CKS1B: variants seen among roughly 807,000 people sequenced by gnomAD.
CKS1B encodes the protein CDC28 protein kinase regulatory subunit 1B.
A neutral mutation model predicts 12.2 loss-of-function variants in CKS1B; 5 were observed. That is an observed-to-expected ratio of 0.41 (90% confidence interval 0.21 to 0.86). The LOEUF (loss-of-function observed/expected upper bound fraction) is 0.86, where lower values mean the gene tolerates loss of function less well. Ranked by LOEUF, CKS1B falls within the 40% of genes least tolerant of loss-of-function variation. CKS1B has a pLI of 0.32. For missense variants in CKS1B, 53 were observed against 99.9 expected (o/e 0.53, Z 2.00); for synonymous variants, 24 against 34.4 (o/e 0.70, Z 1.06).
chr1:154,975,066 C>G (rs1318718025), intron 1 of CKS1B: 19 of 798,310 alleles, frequency 2.4e-5, no homozygotes, highest in Non-Finnish European at 3.9e-5. Flanking sequence ...ACCACCCTCA[C>G]CCATGAGGCT....
chr1:154,977,944 C>A, intron 1 of CKS1B, 43 bp from the exon 2 acceptor site: 1 of 1,596,134 alleles, frequency 6.3e-7, no homozygotes. Context: ...GAGACTGTAT[C>A]TGGTACTAAC....
Position 154,975,557 on chromosome 1 carries a change from A to G in CKS1B, c.59+753A>G, listed in dbSNP as rs887449175. 4 of 155,600 alleles carry G rather than the reference A, an allele frequency of 2.6e-5. No homozygotes were observed. The Middle Eastern group carries it at 1.5e-3, about 60-fold the overall frequency. 9.6% of individuals were successfully genotyped at this position (155,600 alleles called of 1,614,324 possible). On this transcript the variant is annotated intron_variant, in intron 1 of 2. Coordinates refer to ENST00000308987, the MANE Select transcript of CKS1B (RefSeq NM_001826.3). Reference sequence around the variant, plus strand: ...TTACAGGGTGTGATGGGAGCACACAAGACTTGCTAAGGAGAGGGAACTGGC... The same window carrying G: ...TTACAGGGTGTGATGGGAGCACACAGGACTTGCTAAGGAGAGGGAACTGGC...
At chr1:154,977,774 G>A in intron 1 of CKS1B, 1 of 521,790 alleles carries the variant, frequency 1.9e-6, no homozygotes, top group Non-Finnish European at 3.3e-6. Flanking sequence ...TCATTCACTG[G>A]AATTATTCAC....
chr1:154,978,343 A>G (rs1657241309), intron 2 of CKS1B: 2 of 552,596 alleles, frequency 3.6e-6, no homozygotes, highest in Admixed American at 3.5e-5. Flanking sequence ...CTTTCATTCA[A>G]TCAGAGGGTA....
intron 1 of CKS1B, chr1:154,975,254 A>G (rs867709298): frequency 2.0e-6 from 1 of 506,906 alleles, no homozygotes; most frequent in Middle Eastern, 5.3e-4. Context: ...TAACTCGTGA[A>G]AAAGACAAGG....
chr1:154,974,712 G>A lies in CKS1B; in HGVS notation c.-34G>A, dbSNP rs747841465. Reference sequence around the variant, plus strand: ...TGTTGGGAGTTGCTTGGAGGTTGGCGGCGCGGGGCTGAAGGCTAGCAAACC... The same window carrying A: ...TGTTGGGAGTTGCTTGGAGGTTGGCAGCGCGGGGCTGAAGGCTAGCAAACC... On this transcript the variant is annotated 5_prime_UTR_variant, in exon 1 of 3. Transcript: ENST00000308987. The A allele has an allele frequency of 1.3e-6, 2 of 1,563,966 alleles. No individual in the cohort carries two copies. The highest frequency in any genetic ancestry group is 1.4e-5 in the African/African-American group (1 of 73,644).
At chr1:154,975,800 C>CGT (rs1376788614) in intron 1 of CKS1B, 2 of 154,720 alleles carry the variant, frequency 1.3e-5, no homozygotes, top group Non-Finnish European at 2.9e-5. Context: ...GCCAATTCAG[C>CGT]GTGATGTCTC....
chr1:154,975,507 G>C (rs931880202), intron 1 of CKS1B: 1 of 158,860 alleles, frequency 6.3e-6, no homozygotes, highest in African/African-American at 2.4e-5. Context: ...CACCAGAAAG[G>C]TGACACACGC....
chr1:154,975,618 G>A (rs1657150120), intron 1 of CKS1B: 1 of 154,968 alleles, frequency 6.5e-6, no homozygotes, highest in Non-Finnish European at 1.5e-5. Context: ...TGTGAGCGGG[G>A]GTTGAGGTGG....
intron 1 of CKS1B, chr1:154,977,198 C>G (rs184347396): frequency 6.6e-6 from 1 of 152,096 alleles, no homozygotes; most frequent in Non-Finnish European, 1.5e-5. Context: ...CTGCAACCTC[C>G]GCCTCCTGGA....
At chr1:154,977,416 A>G (rs1657218409) in intron 1 of CKS1B, 1 of 152,030 alleles carries the variant, frequency 6.6e-6, no homozygotes, top group Non-Finnish European at 1.5e-5. Flanking sequence ...CCCCTGGCCT[A>G]TTTCTTCTGT....
At chr1:154,974,907 T>C in intron 1 of CKS1B, 103 bp downstream of exon 1, 1 of 1,613,968 alleles carries the variant, frequency 6.2e-7, no homozygotes, top group Non-Finnish European at 8.5e-7. Context: ...GGCGCATGCG[T>C]ACGAGGTGCG....
At position 154,974,934 on chromosome 1, in the gene CKS1B, A is replaced by G. The variant is rs776994681; in HGVS notation, c.59+130A>G. ...CGAGGTGCGAACGGGCAATGGTGTG[A>G]TATTGTGGAAGGCGTAAGGCGCATG... On this transcript the variant is annotated intron_variant, in intron 1 of 2. Transcript: ENST00000308987. 6.2e-6 allele frequency: 10 copies of G among 1,613,472 alleles called. No individual in the cohort carries two copies. In the African/African-American group the frequency reaches 8.0e-5, roughly 13 times the overall value.
At chr1:154,978,334 T>A (rs1657241068) in intron 2 of CKS1B, 1 of 557,244 alleles carries the variant, frequency 1.8e-6, no homozygotes, top group South Asian at 2.6e-5. Context: ...TCCTGTAATC[T>A]TTCATTCAAT....
In CKS1B at chr1:154,978,936, T is replaced by G; in HGVS notation, c.*159T>G. The G allele has an allele frequency of 1.6e-6, 1 of 614,444 alleles. No individual in the cohort carries two copies. The highest frequency in any genetic ancestry group is 2.9e-6 in the Non-Finnish European group (1 of 342,150). The allele number at this position is 614,444 out of a possible 1,614,324, so 38.1% of individuals were successfully genotyped here. ...ATGTGCTGGTAACTGCTTTGCTTCT[T>G]GAGTAGAGCCACCACCACCATAGCC... On this transcript the variant is annotated 3_prime_UTR_variant, in exon 3 of 3. Coordinates refer to ENST00000308987, the MANE Select transcript of CKS1B (RefSeq NM_001826.3).
intron 1 of CKS1B, chr1:154,975,249 C>A: frequency 2.0e-6 from 1 of 492,798 alleles, no homozygotes; most frequent in Non-Finnish European, 3.6e-6. Context: ...CTTATTAACT[C>A]GTGAAAAAGA....
chr1:154,977,677 C>T (rs964388940), intron 1 of CKS1B: 3 of 271,346 alleles, frequency 1.1e-5, no homozygotes, highest in Non-Finnish European at 2.1e-5. Flanking sequence ...CTGTGTGCTC[C>T]GTGGGGCTCC....
Position 154,978,128 on chromosome 1 carries a change from C to T in CKS1B, c.187+14C>T. ...TCCATGAACCAGGTCAGTGCACTGG[C>T]TAAAAACAACCATATAGAACTGCTA... On this transcript the variant is annotated intron_variant, in intron 2 of 2. Transcript: ENST00000308987. 1.2e-6 allele frequency: 2 copies of T among 1,612,562 alleles called. No homozygotes were observed. The highest frequency in any genetic ancestry group is 8.5e-7 in the Non-Finnish European group (1 of 1,179,506).
At chr1:154,975,981 T>C (rs1657172558) in intron 1 of CKS1B, among the ~76,000 whole-genome samples, 9 of 151,134 alleles carry the variant, frequency 6.0e-5, no homozygotes. Flanking sequence ...TGTCGGGTAC[T>C]ATGCTTAGTA....
Sources: allele counts gnomAD v4.1 joint callset (sites outside exome capture counted in the v4.1 genomes callset), GRCh38; gene constraint gnomAD v4.1.1; transcripts MANE v1.5; gene names NCBI Gene and HGNC (gene_info 2026-07-23, HGNC 2026-07-21).